PSTPIP2: variants seen among roughly 807,000 people sequenced by gnomAD.
PSTPIP2 encodes proline-serine-threonine phosphatase-interacting protein 2.
PSTPIP2 carries 33 observed loss-of-function variants against 63.3 expected under a neutral mutation model. The ratio of observed to expected loss-of-function variants is 0.52; its 90% CI spans 0.40 to 0.70. PSTPIP2 has a LOEUF of 0.70. PSTPIP2 is among the 30% of genes least tolerant of loss of function. The pLI is 0.00. For missense variants in PSTPIP2, 312 were observed against 400.7 expected, an observed-to-expected ratio of 0.78 and a Z score of 1.89; for synonymous variants, 125 against 132.7, an observed-to-expected ratio of 0.94 and a Z score of 0.40.
rs547853549 is a variant in PSTPIP2, at chr18:46,052,559, T to C, written c.34-12512A>G. On this transcript the variant is annotated intron_variant, in intron 1 of 14. Transcript: ENST00000409746. ...TTGCAAGTTAATAGAAAATGTTTAA[T>C]GTTAATTTAAAAAAAAAAACTTTTT... is the stretch of plus-strand genomic sequence containing the variant. Among the ~76,000 whole-genome samples the C allele has an allele frequency of 1.8e-4, 23 of 127,710 alleles. No homozygotes were observed. In the South Asian group the frequency reaches 6.2e-3, roughly 34 times the overall value. The allele number at this position is 127,710 out of a possible 152,430, so 83.8% of individuals were successfully genotyped here.
intron 9 of PSTPIP2, among the ~76,000 whole-genome samples, chr18:45,996,259 T>C (rs923828143): frequency 7.2e-5 from 11 of 152,230 alleles, no homozygotes; most frequent in Non-Finnish European, 1.6e-4. Flanking sequence ...ACAGCCCCTT[T>C]TCTGTGCTAA....
intron 1 of PSTPIP2, among the ~76,000 whole-genome samples, chr18:46,050,202 G>C (rs571924211): frequency 6.6e-6 from 1 of 152,236 alleles, no homozygotes; most frequent in East Asian, 1.9e-4. Flanking sequence ...TGACGATGAG[G>C]AGTTTATCCT....
chr18:46,069,223 A>G (rs879393918), intron 1 of PSTPIP2, among the ~76,000 whole-genome samples: 21 of 152,172 alleles, frequency 1.4e-4, no homozygotes, highest in Non-Finnish European at 2.9e-4. Flanking sequence ...GCATGCCCGT[A>G]TCTGAAGGAC....
intron 2 of PSTPIP2, among the ~76,000 whole-genome samples, chr18:46,035,827 A>G (rs765750234): frequency 1.3e-5 from 2 of 152,122 alleles, no homozygotes; most frequent in African/African-American, 4.8e-5. Context: ...TCCCCTGGTA[A>G]ATTACTTAAA....
chr18:46,024,388 T>G (rs1389827659), intron 3 of PSTPIP2, among the ~76,000 whole-genome samples: 1 of 152,124 alleles, frequency 6.6e-6, no homozygotes, highest in African/African-American at 2.4e-5. Context: ...TCCACCTGCC[T>G]CGGCCTCCCA....
chr18:46,037,738 C>A (rs1334182554), intron 2 of PSTPIP2, among the ~76,000 whole-genome samples: 1 of 152,202 alleles, frequency 6.6e-6, no homozygotes, highest in Non-Finnish European at 1.5e-5. Context: ...AAGCAGGCCA[C>A]ACGCTCAGGG....
Position 46,072,247 on chromosome 18 carries a change from G to C in PSTPIP2, c.-59C>G. The C allele has an allele frequency of 6.6e-7, 1 of 1,514,478 alleles. No homozygotes were observed. The highest frequency in any genetic ancestry group is 8.9e-7 in the Non-Finnish European group (1 of 1,129,284). 93.8% of individuals were successfully genotyped at this position (1,514,478 alleles called of 1,614,324 possible). A position where few individuals can be genotyped will look rare whatever the true frequency, so the allele number is the denominator to read the frequency against. ...GCCGCAGGTAGCACAGAGCGGGGAGGCCTGACTGCCACTGCCCGCGGCTCC... is the reference window on the plus strand; with the variant it reads ...GCCGCAGGTAGCACAGAGCGGGGAGCCCTGACTGCCACTGCCCGCGGCTCC... On this transcript the variant is annotated 5_prime_UTR_variant, in exon 1 of 15. Coordinates refer to ENST00000409746, the MANE Select transcript of PSTPIP2 (RefSeq NM_024430.4).
At chr18:46,006,390 G>A (rs910860568) in intron 5 of PSTPIP2, among the ~76,000 whole-genome samples, 1 of 65,910 alleles carries the variant, frequency 1.5e-5, no homozygotes, top group African/African-American at 6.4e-5. Flanking sequence ...TTTTTTTTCT[G>A]AGACAGAGTT....
intron 5 of PSTPIP2, among the ~76,000 whole-genome samples, chr18:46,006,971 T>C (rs1276570477): frequency 6.6e-6 from 1 of 152,208 alleles, no homozygotes; most frequent in Non-Finnish European, 1.5e-5. Context: ...TTGAACCCAG[T>C]AGCCCTGACT....
At chr18:46,062,186 G>C (rs1909016096) in intron 1 of PSTPIP2, among the ~76,000 whole-genome samples, 1 of 152,128 alleles carries the variant, frequency 6.6e-6, no homozygotes, top group African/African-American at 2.4e-5. Context: ...GCTTATTCAA[G>C]TCTTCCTTCC....
rs56236802 is a variant in PSTPIP2, at chr18:46,064,282, C to CTTTTTT, written c.33+7868_33+7873dup. Among the ~76,000 whole-genome samples, 44 of 71,542 alleles carry CTTTTTT rather than the reference C, an allele frequency of 6.2e-4. 2 individuals are homozygous for CTTTTTT. The highest frequency in any genetic ancestry group is 2.3e-3 in the African/African-American group (36 of 15,426). 46.9% of individuals were successfully genotyped at this position (71,542 alleles called of 152,430 possible). On this transcript the variant is annotated intron_variant, in intron 1 of 14. Coordinates refer to ENST00000409746, the MANE Select transcript of PSTPIP2 (RefSeq NM_024430.4). ...CTTTTTTTCTTCTTTCTTTTTCTTT[C>CTTTTTT]TTTTTTTTTTTTTTTTTTTTTTTTT...
chr18:46,043,385 T>G (rs1002321334), intron 1 of PSTPIP2, among the ~76,000 whole-genome samples: 1 of 150,264 alleles, frequency 6.7e-6, no homozygotes, highest in Admixed American at 6.6e-5. Flanking sequence ...AGTGAGCCCC[T>G]GTCTCAAAAT....
rs376902665 is a variant in PSTPIP2 at position 46,067,099 on chromosome 18, T to C, written c.33+5057A>G. Among the ~76,000 whole-genome samples the C allele has an allele frequency of 5.9e-5, 9 of 151,544 alleles. No homozygotes were observed. In the East Asian group the frequency reaches 1.4e-3, roughly 23 times the overall value. On this transcript the variant is annotated intron_variant, in intron 1 of 14. Coordinates refer to ENST00000409746, the MANE Select transcript of PSTPIP2 (RefSeq NM_024430.4). ...CTCCCTCCGGCTGCTCTACAAAGAA[T>C]GTATGGGAGAGCAGGTAATTGTTCA...
chr18:46,006,353 C>A (rs1477703603), intron 5 of PSTPIP2, among the ~76,000 whole-genome samples: 1 of 131,750 alleles, frequency 7.6e-6, no homozygotes, highest in African/African-American at 2.9e-5. Flanking sequence ...CATGCCCAGC[C>A]CTGGTACTTT....
chr18:46,029,568 T>C, intron 2 of PSTPIP2: 2 of 789,756 alleles, frequency 2.5e-6, no homozygotes. Context: ...ATCAAGATTC[T>C]TGTCTCGAAG....
At position 45,984,611 on chromosome 18, in the gene PSTPIP2, T is replaced by A. The variant is rs1403167943; in HGVS notation, c.*848A>T. On this transcript the variant is annotated 3_prime_UTR_variant, in exon 15 of 15. Transcript: ENST00000409746. Reference sequence around the variant, plus strand: ...GGCCATCAATAGTCTGTCCCAAGTTTATTGGCAACTCCTCGACCCCACCTT... The same window carrying A: ...GGCCATCAATAGTCTGTCCCAAGTTAATTGGCAACTCCTCGACCCCACCTT... 1.3e-5 allele frequency: 2 copies of A among 152,226 alleles called. No homozygotes were observed. Among genetic ancestry groups the A allele is most frequent in the Admixed American group, 6.5e-5 (1 of 15,282 alleles). The allele number at this position is 152,226 out of a possible 1,614,324, so 9.4% of individuals were successfully genotyped here. A position where few individuals can be genotyped will look rare whatever the true frequency, so the allele number is the denominator to read the frequency against.
intron 2 of PSTPIP2, among the ~76,000 whole-genome samples, chr18:46,039,003 C>G (rs935978068): frequency 6.6e-6 from 1 of 152,166 alleles, no homozygotes; most frequent in African/African-American, 2.4e-5. Context: ...TAAGTTTGAT[C>G]GTTACCTAAT....
At chr18:46,019,080 G>A (rs886396595) in intron 3 of PSTPIP2, among the ~76,000 whole-genome samples, 1 of 151,764 alleles carries the variant, frequency 6.6e-6, no homozygotes, top group African/African-American at 2.4e-5. Flanking sequence ...GAACTCCCTC[G>A]GAGGTGCCTT....
In PSTPIP2 at chr18:46,043,039, T is replaced by C. The variant is rs114781065; in HGVS notation, c.34-2992A>G. 2.6e-3 allele frequency among the ~76,000 whole-genome samples: 394 copies of C among 152,070 alleles called. 2 individuals are homozygous for C. The highest frequency in any genetic ancestry group is 9.0e-3 in the African/African-American group (373 of 41,458). ...GTTTTGGTTTGTGTTTCCAGGAAAC[T>C]CTGGCCTAGTTCCACCCGTGCAGTC... On this transcript the variant is annotated intron_variant, in intron 1 of 14. Transcript: ENST00000409746.
Sources: gnomAD v4.1 joint callset for allele counts (sites outside exome capture counted in the v4.1 genomes callset) on GRCh38, gnomAD v4.1.1 for gene constraint, MANE v1.5 for transcripts, NCBI Gene and HGNC (gene_info 2026-07-23, HGNC 2026-07-21) for gene names.